TMEM33: variants seen among roughly 807,000 people sequenced by gnomAD.
TMEM33 encodes transmembrane protein 33.
Under a neutral mutation model 29.7 loss-of-function variants are expected in TMEM33, and 16 were observed. The observed-to-expected ratio is 0.54, with a 90% CI of 0.36 to 0.82. The LOEUF is 0.82. Among genes scored for constraint, TMEM33 ranks in the 40% least tolerant of loss-of-function variants. The pLI is 0.00. For synonymous variants in TMEM33, 112 were observed against 109.4 expected (o/e 1.02, Z -0.15); for missense variants, 252 against 295.3 (o/e 0.85, Z 1.08).
Position 41,960,307 on chromosome 4 carries a change from T to C in TMEM33, c.*6108T>C, listed in dbSNP as rs1007763328. The C allele has an allele frequency of 1.1e-4, 16 of 152,196 alleles. No homozygotes were observed. The highest frequency in any genetic ancestry group is 3.9e-4 in the African/African-American group (16 of 41,454). The allele number at this position is 152,196 out of a possible 1,614,324, so 9.4% of individuals were successfully genotyped here. A position where few individuals can be genotyped will look rare whatever the true frequency, so the allele number is the denominator to read the frequency against. ...TAAGCCCTGGGATCCATATTTGTTT[T>C]GTGTTCTGCTTAAATCAGCAAGAAT... On this transcript the variant is annotated 3_prime_UTR_variant, in exon 7 of 7. Transcript: ENST00000504986.
At chr4:41,945,042 A>G in intron 5 of TMEM33, 116 bp downstream of exon 5, 1 of 1,325,994 alleles carries the variant, frequency 7.5e-7, no homozygotes, top group Non-Finnish European at 1.0e-6. Flanking sequence ...GTAGAGCTAA[A>G]TGAATCTTAG....
At chr4:41,953,719 G>A in intron 6 of TMEM33, 1 of 457,450 alleles carries the variant, frequency 2.2e-6, no homozygotes, top group Non-Finnish European at 4.4e-6. Flanking sequence ...AGACCAATCA[G>A]GAATGGCCTT....
chr4:41,948,458 T>G (rs1164281198), intron 5 of TMEM33, among the ~76,000 whole-genome samples: 2 of 152,106 alleles, frequency 1.3e-5, no homozygotes, highest in African/African-American at 4.8e-5. Context: ...TTCGTAATCG[T>G]GTAAATTTTT....
In TMEM33 at chr4:41,956,169, A is replaced by C. The variant is rs1713256955; in HGVS notation, c.*1970A>C. Reference sequence around the variant, plus strand: ...CCCAGCTGTATTGTAAAAATACAAAATTTTAGTATTTTTAGTAGAGACAGG... The same window carrying C: ...CCCAGCTGTATTGTAAAAATACAAACTTTTAGTATTTTTAGTAGAGACAGG... On this transcript the variant is annotated 3_prime_UTR_variant, in exon 7 of 7. Coordinates refer to ENST00000504986, the MANE Select transcript of TMEM33 (RefSeq NM_018126.3). The C allele has an allele frequency of 6.6e-6, 1 of 152,006 alleles. No individual in the cohort carries two copies. The highest frequency in any genetic ancestry group is 2.4e-5 in the African/African-American group (1 of 41,374). 9.4% of individuals were successfully genotyped at this position (152,006 alleles called of 1,614,324 possible).
At chr4:41,950,283 T>G (rs1405068211) in intron 6 of TMEM33, among the ~76,000 whole-genome samples, 1 of 152,142 alleles carries the variant, frequency 6.6e-6, no homozygotes, top group Non-Finnish European at 1.5e-5. Flanking sequence ...ATACTAATAT[T>G]AAGATAATCT....
At chr4:41,944,963 A>G in intron 5 of TMEM33, 37 bp downstream of exon 5, 1 of 1,603,078 alleles carries the variant, frequency 6.2e-7, no homozygotes, top group Non-Finnish European at 8.5e-7. Context: ...GAGGCTGATG[A>G]CTGAACGTAA....
rs199799088 is a variant in TMEM33 at position 41,937,553 on chromosome 4, G to GT, written c.46-1048dup. On this transcript the variant is annotated intron_variant, in intron 1 of 6. Transcript: ENST00000504986. ...ATAGAGCAGTGTTTTTAGACTTCAG[G>GT]TAGACCCATTAGTGAGTTGAGAAGT... Among the ~76,000 whole-genome samples, 698 of 151,934 alleles carry GT rather than the reference G, an allele frequency of 4.6e-3. 5 individuals carry two copies. Among genetic ancestry groups the GT allele is most frequent in the African/African-American group, 0.016 (672 of 41,402 alleles).
chr4:41,935,903 G>T (rs1019350486), intron 1 of TMEM33, among the ~76,000 whole-genome samples: 1 of 152,210 alleles, frequency 6.6e-6, no homozygotes, highest in African/African-American at 2.4e-5. Flanking sequence ...GAGCACACGA[G>T]TGCCGGCAAA....
At chr4:41,935,573 A>T (rs1192100621) in intron 1 of TMEM33, 44 bp downstream of exon 1, 1 of 1,566,952 alleles carries the variant, frequency 6.4e-7, no homozygotes, top group Non-Finnish European at 8.7e-7. Context: ...TGCAAGAGTT[A>T]GGAAGAAGCA....
chr4:41,947,033 C>G (rs1047619941), intron 5 of TMEM33, among the ~76,000 whole-genome samples: 4 of 152,006 alleles, frequency 2.6e-5, no homozygotes, highest in African/African-American at 4.8e-5. Context: ...GTCAAGAGAT[C>G]GAGACCATCC....
chr4:41,954,571 A>G lies in TMEM33; in HGVS notation c.*372A>G, dbSNP rs966424215. 1 of 164,060 alleles carries G rather than the reference A, an allele frequency of 6.1e-6. No individual in the cohort carries two copies. The highest frequency in any genetic ancestry group is 2.4e-5 in the African/African-American group (1 of 41,668). 10.2% of individuals were successfully genotyped at this position (164,060 alleles called of 1,614,324 possible). Reference sequence around the variant, plus strand: ...CTGAGTTTATATCTGGCATGAATTCATTATGGTGATACACATATGTGAATT... The same window carrying G: ...CTGAGTTTATATCTGGCATGAATTCGTTATGGTGATACACATATGTGAATT... On this transcript the variant is annotated 3_prime_UTR_variant, in exon 7 of 7. Coordinates refer to ENST00000504986, the MANE Select transcript of TMEM33 (RefSeq NM_018126.3).
At chr4:41,948,250 A>G (rs1281755603) in intron 5 of TMEM33, among the ~76,000 whole-genome samples, 1 of 152,180 alleles carries the variant, frequency 6.6e-6, no homozygotes, top group African/African-American at 2.4e-5. Context: ...TTGTATATAT[A>G]CATTTCTGGA....
In TMEM33 at chr4:41,946,965, G is replaced by A. The variant is rs943450066; in HGVS notation, c.530+2039G>A. On this transcript the variant is annotated intron_variant, in intron 5 of 6. Coordinates refer to ENST00000504986, the MANE Select transcript of TMEM33 (RefSeq NM_018126.3). ...AAATGGTAGATACCAGGCCGAGCACGGTGGCTCACAGCCTGTAAACCCAGC... is the reference window on the plus strand; with the variant it reads ...AAATGGTAGATACCAGGCCGAGCACAGTGGCTCACAGCCTGTAAACCCAGC... 3.9e-5 allele frequency among the ~76,000 whole-genome samples: 6 copies of A among 152,190 alleles called. No individual in the cohort carries two copies. In the South Asian group the frequency reaches 8.3e-4, roughly 21 times the overall value.
intron 5 of TMEM33, among the ~76,000 whole-genome samples, chr4:41,947,904 T>C (rs879551029): frequency 5.9e-5 from 9 of 152,186 alleles, no homozygotes; most frequent in Admixed American, 2.6e-4. Context: ...AAAAGGATCA[T>C]TGTGGCTTTT....
chr4:41,944,815 C>T lies in TMEM33; in HGVS notation c.419C>T (p.Pro140Leu), dbSNP rs1712707993. 2 of 1,613,166 alleles carry T rather than the reference C, an allele frequency of 1.2e-6. No homozygotes were observed. Among genetic ancestry groups the T allele is most frequent in the East Asian group, 4.5e-5 (2 of 44,742 alleles). ...VLDARGSNSL[P>L]LLRSVLDKLS... is the part of the protein sequence containing the mutation. ...TAGGCAAGGGGCTCAAATAGTTTACCTCTGCTGAGATCTGTCTTGGACAAA... is the reference window on the plus strand; with the variant it reads ...TAGGCAAGGGGCTCAAATAGTTTACTTCTGCTGAGATCTGTCTTGGACAAA... Residue 140 changes from proline (P) to leucine (L), a missense_variant, in exon 5 of 7, where the codon CCT becomes CTT. By Grantham distance (98) the Pro-to-Leu change is moderately conservative. Transcript: ENST00000504986.
upstream of TMEM33, chr4:41,935,319 G>T (rs1172438140): frequency 2.6e-6 from 2 of 758,152 alleles, no homozygotes; most frequent in Admixed American, 4.2e-5. Context: ...AGGCGAGCGA[G>T]ACCCTTCCCT....
In TMEM33 at chr4:41,942,651, A is replaced by AT. The variant is rs60359484; in HGVS notation, c.329-1084dup. On this transcript the variant is annotated intron_variant, in intron 3 of 6. Coordinates refer to ENST00000504986, the MANE Select transcript of TMEM33 (RefSeq NM_018126.3). ...TATCATTTTGTGGAACTACTTGACA[A>AT]TTTTTTTTTTTTAATCAACCTGGCA... is the stretch of plus-strand genomic sequence containing the variant. 1.4e-3 allele frequency among the ~76,000 whole-genome samples: 213 copies of AT among 148,364 alleles called. No homozygotes were observed. In the South Asian group the frequency reaches 0.016, roughly 11 times the overall value.
rs760437875 is a variant in TMEM33 at position 41,939,759 on chromosome 4, C to T, written c.328+376C>T. The T allele has an allele frequency of 1.3e-4, 61 of 457,338 alleles. No individual in the cohort carries two copies. The Middle Eastern group carries it at 1.6e-3, about 12-fold the overall frequency. 28.3% of individuals were successfully genotyped at this position (457,338 alleles called of 1,614,324 possible). Reference sequence around the variant, plus strand: ...TGCTTTAAAAAAGAGAGGTCCTCAGCTCTTTCCATCTTAACCCCAGTGAAC... The same window carrying T: ...TGCTTTAAAAAAGAGAGGTCCTCAGTTCTTTCCATCTTAACCCCAGTGAAC... On this transcript the variant is annotated intron_variant, in intron 3 of 6. Coordinates refer to ENST00000504986, the MANE Select transcript of TMEM33 (RefSeq NM_018126.3).
In TMEM33 at chr4:41,957,383, A is replaced by G. The variant is rs1713314806; in HGVS notation, c.*3184A>G. On this transcript the variant is annotated 3_prime_UTR_variant, in exon 7 of 7. Transcript: ENST00000504986. ...ATATTTAAGAATGTCCCTTACAGAG[A>G]AAAGGCCAACTATAATACTAAGCTA... 6.6e-6 allele frequency: 1 copy of G among 151,804 alleles called. No individual in the cohort carries two copies. Among genetic ancestry groups the G allele is most frequent in the Non-Finnish European group, 1.5e-5 (1 of 67,950 alleles). The allele number at this position is 151,804 out of a possible 1,614,324, so 9.4% of individuals were successfully genotyped here. A position where few individuals can be genotyped will look rare whatever the true frequency, so the allele number is the denominator to read the frequency against.
Sources: allele counts gnomAD v4.1 joint callset (sites outside exome capture counted in the v4.1 genomes callset), GRCh38; gene constraint gnomAD v4.1.1; transcripts MANE v1.5; gene names NCBI Gene and HGNC (gene_info 2026-07-23, HGNC 2026-07-21).